FOLH1: variants seen among roughly 807,000 people sequenced by gnomAD.
The protein encoded by FOLH1 is glutamate carboxypeptidase 2.
FOLH1 carries 54 observed loss-of-function variants against 93.9 expected under a neutral mutation model. The ratio of observed to expected loss-of-function variants is 0.57; its 90% CI spans 0.46 to 0.72. The LOEUF (loss-of-function observed/expected upper bound fraction) is 0.72, where lower values mean the gene tolerates loss of function less well. Among genes scored for constraint, FOLH1 ranks in the 30% least tolerant of loss-of-function variants. The pLI is 0.00. For synonymous variants in FOLH1, 249 were observed against 303.6 expected (o/e 0.82, Z 1.87); for missense variants, 571 against 892.5 (o/e 0.64, Z 4.59).
At chr11:49,150,113 T>C (rs547720951) in intron 17 of FOLH1, among the ~76,000 whole-genome samples, 1 of 152,260 alleles carries the variant, frequency 6.6e-6, no homozygotes, top group African/African-American at 2.4e-5. Context: ...TAATACTGAA[T>C]TTTCCATCTG....
chr11:49,206,896 TC>T (rs1304079105), intron 1 of FOLH1: 1 of 984,890 alleles, frequency 1.0e-6, no homozygotes, highest in Non-Finnish European at 1.5e-6. Flanking sequence ...AAGGCAAGAT[TC>T]CAGGGTTTAT....
At chr11:49,190,913 A>G (rs1448966507) in intron 4 of FOLH1, among the ~76,000 whole-genome samples, 1 of 152,240 alleles carries the variant, frequency 6.6e-6, no homozygotes, top group African/African-American at 2.4e-5. Context: ...AATATAAAAT[A>G]TACTTTAAAA....
At chr11:49,170,798 G>A (rs1859167661) in intron 11 of FOLH1, among the ~76,000 whole-genome samples, 1 of 152,130 alleles carries the variant, frequency 6.6e-6, no homozygotes, top group Non-Finnish European at 1.5e-5. Flanking sequence ...ACATGTTTAT[G>A]GCAAGATATT....
intron 13 of FOLH1, chr11:49,162,699 G>T (rs1339630951): frequency 2.0e-5 from 3 of 152,070 alleles, no homozygotes; most frequent in Admixed American, 2.0e-4. Context: ...CAATGTTCTT[G>T]TACTGATCCT....
chr11:49,157,291 TTTG>T (rs796948736), intron 14 of FOLH1, among the ~76,000 whole-genome samples: 5 of 152,106 alleles, frequency 3.3e-5, no homozygotes, highest in African/African-American at 1.2e-4. Flanking sequence ...AAGCAAAATA[TTTG>T]TTAACTATAT....
chr11:49,200,023 A>G (rs1205220583), intron 3 of FOLH1, among the ~76,000 whole-genome samples: 1 of 152,216 alleles, frequency 6.6e-6, no homozygotes, highest in Non-Finnish European at 1.5e-5. Flanking sequence ...AAACTAAAAA[A>G]CAGCAGCTGT....
chr11:49,169,859 T>C (rs1859010811), intron 11 of FOLH1, among the ~76,000 whole-genome samples: 1 of 152,164 alleles, frequency 6.6e-6, no homozygotes, highest in African/African-American at 2.4e-5. Flanking sequence ...TCTGAGTCTC[T>C]AAAATACATA....
At chr11:49,173,267 G>A in intron 10 of FOLH1, 90 bp downstream of exon 10, 1 of 1,310,154 alleles carries the variant, frequency 7.6e-7, no homozygotes, top group Non-Finnish European at 1.0e-6. Context: ...CACATGTAAT[G>A]GTTGAGGTAG....
intron 3 of FOLH1, among the ~76,000 whole-genome samples, chr11:49,194,945 C>T (rs1862464647): frequency 6.6e-6 from 1 of 151,834 alleles, no homozygotes; most frequent in South Asian, 2.1e-4. Context: ...ATAAAACAGA[C>T]ATCACTATAG....
chr11:49,147,382 C>T (rs1489377619), intron 18 of FOLH1, among the ~76,000 whole-genome samples: 1 of 151,996 alleles, frequency 6.6e-6, no homozygotes, highest in Non-Finnish European at 1.5e-5. Context: ...CATGCTACCC[C>T]CTATATTATA....
chr11:49,155,093 C>T (rs1337088658), intron 15 of FOLH1, among the ~76,000 whole-genome samples: 2 of 151,948 alleles, frequency 1.3e-5, no homozygotes, highest in Non-Finnish European at 2.9e-5. Context: ...CTGTGAATTG[C>T]TGGTTTATCA....
intron 14 of FOLH1, 95 bp downstream of exon 14, chr11:49,157,857 A>G (rs564994593): frequency 2.0e-5 from 24 of 1,224,774 alleles, no homozygotes; most frequent in Middle Eastern, 2.0e-4. Context: ...CCATTTTGAA[A>G]CTTAATTTTT....
At chr11:49,156,313 A>T (rs887548954) in intron 15 of FOLH1, among the ~76,000 whole-genome samples, 2 of 152,148 alleles carry the variant, frequency 1.3e-5, no homozygotes, top group Admixed American at 6.6e-5. Flanking sequence ...ATACAGTAAG[A>T]GATGGAAATC....
intron 7 of FOLH1, 104 bp downstream of exon 7, chr11:49,183,045 T>C (rs1231158180): frequency 3.2e-6 from 3 of 944,348 alleles, no homozygotes; most frequent in Non-Finnish European, 4.8e-6. Context: ...AACACCCATG[T>C]TGGAAAATTT....
At chr11:49,189,112 T>C (rs1429391487) in intron 4 of FOLH1, among the ~76,000 whole-genome samples, 2 of 152,176 alleles carry the variant, frequency 1.3e-5, no homozygotes, top group Non-Finnish European at 2.9e-5. Context: ...TTTTCATTTA[T>C]AAAATAAGAT....
Position 49,146,883 on chromosome 11 carries a change from T to C in FOLH1, c.2126A>G (p.Tyr709Cys). The C allele has an allele frequency of 2.5e-6, 4 of 1,613,446 alleles. No individual in the cohort carries two copies. The highest frequency in any genetic ancestry group is 3.4e-6 in the Non-Finnish European group (4 of 1,179,594). Reference sequence around the variant, plus strand: ...GCTTTCAATATCAAACAGAGCATCATAAATTCCTGGGAATGACTCCCCTGC... The same window carrying C: ...GCTTTCAATATCAAACAGAGCATCACAAATTCCTGGGAATGACTCCCCTGC... ...KYAGESFPGI[Y>C]DALFDIESKV... Residue 709 changes from tyrosine (Y) to cysteine (C), a missense_variant, in exon 19 of 19, where the codon TAT becomes TGT. Physicochemically the swap from Tyr to Cys is radical, Grantham distance 194. Transcript: ENST00000256999.
chr11:49,207,450 T>C (rs1864103641), intron 1 of FOLH1, among the ~76,000 whole-genome samples: 1 of 152,238 alleles, frequency 6.6e-6, no homozygotes, highest in Non-Finnish European at 1.5e-5. Flanking sequence ...CCATGCCCTG[T>C]TCTTCTAAAT....
chr11:49,189,276 C>T (rs1446384555), intron 4 of FOLH1, among the ~76,000 whole-genome samples: 1 of 152,138 alleles, frequency 6.6e-6, no homozygotes, highest in Non-Finnish European at 1.5e-5. Context: ...TAGTTTGAAA[C>T]CCCTGTCCCA....
At chr11:49,185,909 G>A (rs532989982) in intron 5 of FOLH1, 54 bp from the exon 6 acceptor site, 369 of 1,492,132 alleles carry the variant, frequency 2.5e-4, no homozygotes, top group Non-Finnish European at 3.1e-4. Flanking sequence ...TTCCAGATTC[G>A]GTAATATCAA....
Sources: gnomAD v4.1 joint callset for allele counts (sites outside exome capture counted in the v4.1 genomes callset) on GRCh38, gnomAD v4.1.1 for gene constraint, MANE v1.5 for transcripts, NCBI Gene and HGNC (gene_info 2026-07-23, HGNC 2026-07-21) for gene names.